TMEM132D: variants seen among roughly 807,000 people sequenced by gnomAD.
TMEM132D encodes the protein transmembrane protein 132D.
A neutral mutation model predicts 62.3 loss-of-function variants in TMEM132D; 21 were observed. That is an observed-to-expected ratio of 0.34 (90% CI 0.24 to 0.49). The LOEUF is 0.49. TMEM132D is among the 20% of genes least tolerant of loss of function. TMEM132D has a pLI of 0.99. For synonymous variants in TMEM132D, 621 were observed against 575.6 expected (o/e 1.08, Z -1.13); for missense variants, 1,346 against 1,402.8 (o/e 0.96, Z 0.65).
intron 1 of TMEM132D, among the ~76,000 whole-genome samples, chr12:129,776,463 C>T (rs76954661): frequency 7.6e-6 from 1 of 130,814 alleles, no homozygotes; most frequent in Non-Finnish European, 1.7e-5. Context: ...CCCACCCTTA[C>T]CCCAATTTCC....
intron 3 of TMEM132D, among the ~76,000 whole-genome samples, chr12:129,498,763 C>T (rs1875039724): frequency 6.6e-6 from 1 of 152,122 alleles, no homozygotes; most frequent in African/African-American, 2.4e-5. Context: ...TCTTTGGTTG[C>T]AAGCAAGAGA....
chr12:129,700,307 G>C lies in TMEM132D; in HGVS notation c.471C>G (p.Asp157Glu), dbSNP rs139627769. The C allele has an allele frequency of 3.2e-5, 51 of 1,613,630 alleles. No homozygotes were observed. Among genetic ancestry groups the C allele is most frequent in the Non-Finnish European group, 4.2e-5 (49 of 1,180,022 alleles). ...GCAGCTTCTCCCCGGCGCTGCGGTC[G>C]TCCCAGTCTCTGCCCATGATGTGGA... The part of the protein sequence containing the change: ...VLFHIMGRDW[D>E]DRSAGEKLPC... Residue 157 changes from aspartate (D) to glutamate (E), a missense_variant, in exon 2 of 9, where the codon GAC (aspartate) becomes GAG (glutamate). Transcript: ENST00000422113.
intron 4 of TMEM132D, chr12:129,262,222 C>T (rs1880567842): frequency 6.6e-6 from 1 of 152,152 alleles, no homozygotes; most frequent in South Asian, 2.1e-4. Flanking sequence ...AGGCAAAGGA[C>T]CGTAATTGAA....
intron 2 of TMEM132D, among the ~76,000 whole-genome samples, chr12:129,659,161 C>T (rs1039097199): frequency 6.6e-6 from 1 of 152,062 alleles, no homozygotes; most frequent in Non-Finnish European, 1.5e-5. Context: ...GGAAGTGGGT[C>T]ATCCTCCACC....
At chr12:129,534,863 C>T (rs1368454123) in intron 2 of TMEM132D, among the ~76,000 whole-genome samples, 1 of 152,244 alleles carries the variant, frequency 6.6e-6, no homozygotes, top group Admixed American at 6.5e-5. Context: ...CAGGAATTAA[C>T]ACAGCTAACA....
intron 2 of TMEM132D, among the ~76,000 whole-genome samples, chr12:129,636,339 A>G (rs1321963745): frequency 6.6e-6 from 1 of 152,216 alleles, no homozygotes; most frequent in African/African-American, 2.4e-5. Flanking sequence ...AAGGCCTGCT[A>G]TCTGTCATGT....
chr12:129,891,957 C>A (rs1272716251), intron 1 of TMEM132D, among the ~76,000 whole-genome samples: 1 of 152,126 alleles, frequency 6.6e-6, no homozygotes, highest in Non-Finnish European at 1.5e-5. Flanking sequence ...GAAATTGTTT[C>A]TTTTTACTTC....
chr12:129,449,680 A>G (rs1873209980), intron 3 of TMEM132D, among the ~76,000 whole-genome samples: 1 of 152,198 alleles, frequency 6.6e-6, no homozygotes, highest in Non-Finnish European at 1.5e-5. Context: ...CCAGCGTCTC[A>G]TTGTGTGAAA....
intron 4 of TMEM132D, 197 bp from the exon 5 acceptor site, chr12:129,209,860 A>G (rs1193582603): frequency 1.5e-5 from 10 of 667,546 alleles, no homozygotes; most frequent in Non-Finnish European, 2.0e-5. Context: ...CCAGATTTCC[A>G]CAGGGCAACT....
At chr12:129,203,582 A>G (rs961699471) in intron 5 of TMEM132D, among the ~76,000 whole-genome samples, 1 of 152,224 alleles carries the variant, frequency 6.6e-6, no homozygotes, top group African/African-American at 2.4e-5. Flanking sequence ...TTCTAGCTCA[A>G]TGGTCCTACT....
chr12:129,748,736 T>A lies in TMEM132D; in HGVS notation c.80-48038A>T, dbSNP rs575594818. On this transcript the variant is annotated intron_variant, in intron 1 of 8. Coordinates refer to ENST00000422113, the MANE Select transcript of TMEM132D (RefSeq NM_133448.3). Reference sequence around the variant, plus strand: ...GTGCTAAGCCAGTGGGCTGCAGATATGTGTGATTTGACAAGCATCTTCTCC... The same window carrying A: ...GTGCTAAGCCAGTGGGCTGCAGATAAGTGTGATTTGACAAGCATCTTCTCC... Among the ~76,000 whole-genome samples, 59 of 152,300 alleles carry A rather than the reference T, an allele frequency of 3.9e-4. 2 individuals carry two copies. In the South Asian group the frequency reaches 0.012, roughly 30 times the overall value.
intron 3 of TMEM132D, among the ~76,000 whole-genome samples, chr12:129,424,557 A>C (rs1156752827): frequency 4.0e-5 from 6 of 151,756 alleles, no homozygotes; most frequent in African/African-American, 1.5e-4. Context: ...AATACAAAAA[A>C]ATTAGCCGGG....
intron 3 of TMEM132D, among the ~76,000 whole-genome samples, chr12:129,421,172 G>T (rs145084764): frequency 1.6e-4 from 24 of 151,948 alleles, no homozygotes; most frequent in African/African-American, 4.6e-4. Context: ...CATGTTGTTC[G>T]GGCTGGTCTC....
At chr12:129,177,527 G>A (rs1183506630) in intron 5 of TMEM132D, among the ~76,000 whole-genome samples, 1 of 152,140 alleles carries the variant, frequency 6.6e-6, no homozygotes, top group African/African-American at 2.4e-5. Context: ...GGAGGCCAAG[G>A]TGGCAGGATC....
chr12:129,124,396 CTG>C (rs1876152453), intron 5 of TMEM132D, among the ~76,000 whole-genome samples: 1 of 152,144 alleles, frequency 6.6e-6, no homozygotes, highest in Admixed American at 6.5e-5. Context: ...ATCTTTATAT[CTG>C]TGCAGCCCAG....
At chr12:129,272,720 C>G (rs997481925) in intron 4 of TMEM132D, among the ~76,000 whole-genome samples, 1 of 151,584 alleles carries the variant, frequency 6.6e-6, no homozygotes, top group Middle Eastern at 3.2e-3. Context: ...CAAATCAAGA[C>G]CACAGTGGAA....
intron 3 of TMEM132D, among the ~76,000 whole-genome samples, chr12:129,483,240 CTTTCT>C (rs1446337251): frequency 6.6e-6 from 1 of 152,156 alleles, no homozygotes; most frequent in African/African-American, 2.4e-5. Context: ...TTGACTTTTT[CTTTCT>C]TTTGTCTAAT....
Position 129,490,596 on chromosome 12 carries a change from A to ATTTTTTTTTTTTTTTTTTT in TMEM132D, c.1115+40444_1115+40462dup, listed in dbSNP as rs35535325. 1.3e-4 allele frequency among the ~76,000 whole-genome samples: 9 copies of ATTTTTTTTTTTTTTTTTTT among 71,110 alleles called. 1 individual carries two copies. The highest frequency in any genetic ancestry group is 4.9e-4 in the African/African-American group (6 of 12,332). The allele number at this position is 71,110 out of a possible 152,430, so 46.7% of individuals were successfully genotyped here. ...GGCGCCCGCCCACCACGCCCGGCTA[A>ATTTTTTTTTTTTTTTTTTT]TTTTTTTTTTTTTTTTTTTTTTTTT... On this transcript the variant is annotated intron_variant, in intron 3 of 8. Transcript: ENST00000422113.
chr12:129,752,459 T>C (rs1870030499), intron 1 of TMEM132D, among the ~76,000 whole-genome samples: 1 of 152,200 alleles, frequency 6.6e-6, no homozygotes, highest in Non-Finnish European at 1.5e-5. Context: ...CTCAAAACAG[T>C]GTAGAATAAG....
Sources: gnomAD v4.1 joint callset for allele counts (sites outside exome capture counted in the v4.1 genomes callset) on GRCh38, gnomAD v4.1.1 for gene constraint, MANE v1.5 for transcripts, NCBI Gene and HGNC (gene_info 2026-07-23, HGNC 2026-07-21) for gene names.